Variants in AGAP6 observed in about 807,000 individuals in gnomAD.
AGAP6 encodes the protein ArfGAP with GTPase domain, ankyrin repeat and PH domain 6, also known as arf-GAP with GTPase, ANK repeat and PH domain-containing protein 6.
A neutral mutation model predicts 63.9 loss-of-function variants in AGAP6; 29 were observed. That is an observed-to-expected ratio of 0.45 (90% CI 0.34 to 0.62). AGAP6 has a LOEUF of 0.62. Ranked by LOEUF, AGAP6 falls within the 20% of genes least tolerant of loss-of-function variation. AGAP6 has a pLI of 0.01. For synonymous variants in AGAP6, 199 were observed against 332.9 expected, an observed-to-expected ratio of 0.60 and a Z score of 4.38; for missense variants, 493 against 884.9, an observed-to-expected ratio of 0.56 and a Z score of 5.62.
At chr10:49,994,191 G>GTAAACTAAATGAAAAGCTAAGT (rs1841392706) in intron 3 of AGAP6, among the ~76,000 whole-genome samples, 1 of 152,086 alleles carries the variant, frequency 6.6e-6, no homozygotes, top group South Asian at 2.1e-4. Flanking sequence ...GAAACAAAAA[G>GTAAACTAAATGAAAAGCTAAGT]TAAACTAAAT....
At chr10:49,991,907 T>C (rs1235358700) in intron 3 of AGAP6, among the ~76,000 whole-genome samples, 163 bp downstream of exon 3, 1 of 152,082 alleles carries the variant, frequency 6.6e-6, no homozygotes, top group Non-Finnish European at 1.5e-5. Flanking sequence ...TTAGTTGTTA[T>C]GATGTTAGTG....
chr10:49,992,951 A>G (rs559203546), intron 3 of AGAP6, among the ~76,000 whole-genome samples: 2 of 152,332 alleles, frequency 1.3e-5, no homozygotes, highest in South Asian at 2.1e-4. Context: ...TGGTAGAGAC[A>G]GGGTTTCACC....
At chr10:50,004,807 C>T in intron 6 of AGAP6, 87 bp downstream of exon 6, 1 of 609,830 alleles carries the variant, frequency 1.6e-6, no homozygotes, top group East Asian at 2.7e-5. Context: ...CTCTAGACAT[C>T]ATAAGCTGTA....
At chr10:50,008,510 A>C (rs1841996858) in intron 7 of AGAP6, 3 of 502,822 alleles carry the variant, frequency 6.0e-6, no homozygotes, top group South Asian at 1.7e-4. Context: ...ACAGGGTTTC[A>C]CCATGTTGGC....
rs1554860058 is a variant in AGAP6, at chr10:49,988,711, G to T, written c.-5G>T. The stretch of plus-strand genomic sequence containing the variant: ...ACAGGTGGTGGCAGACAGTAGAGGC[G>T]CCCCATGGGGAACATACTGACCTGT... On this transcript the variant is annotated 5_prime_UTR_variant, in exon 1 of 8. Transcript: ENST00000412531. 6.3e-7 allele frequency: 1 copy of T among 1,589,040 alleles called. No individual in the cohort carries two copies. The highest frequency in any genetic ancestry group is 8.5e-7 in the Non-Finnish European group (1 of 1,174,756).
rs1841842275 is a variant in AGAP6, at chr10:50,004,670, T to G, written c.498-15T>G. The G allele has an allele frequency of 7.0e-6, 9 of 1,277,488 alleles. No individual in the cohort carries two copies. The highest frequency in any genetic ancestry group is 9.5e-6 in the Non-Finnish European group (9 of 944,862). 79.1% of individuals were successfully genotyped at this position (1,277,488 alleles called of 1,614,324 possible). A position where few individuals can be genotyped will look rare whatever the true frequency, so the allele number is the denominator to read the frequency against. Reference sequence around the variant, plus strand: ...TGATAACATCTATTGTTATGAATTTTTTTTCCTTCCACAGTGTGACCTTGG... The same window carrying G: ...TGATAACATCTATTGTTATGAATTTGTTTTCCTTCCACAGTGTGACCTTGG... On this transcript the variant is annotated splice_polypyrimidine_tract_variant and intron_variant, in intron 5 of 7. Transcript: ENST00000412531.
chr10:49,996,792 T>G (rs1361591514), intron 4 of AGAP6, among the ~76,000 whole-genome samples: 1 of 151,892 alleles, frequency 6.6e-6, no homozygotes, highest in Admixed American at 6.6e-5. Flanking sequence ...GCCATTGGCC[T>G]GTAAGTTCAC....
Position 50,006,778 on chromosome 10 carries a change from C to T in AGAP6, c.534-1247C>T, listed in dbSNP as rs1281237066. 2.0e-5 allele frequency among the ~76,000 whole-genome samples: 3 copies of T among 152,070 alleles called. No individual in the cohort carries two copies. In the South Asian group the frequency reaches 6.2e-4, roughly 32 times the overall value. On this transcript the variant is annotated intron_variant, in intron 6 of 7. Coordinates refer to ENST00000412531, the MANE Select transcript of AGAP6 (RefSeq NM_001077665.3). ...TTCTTTAAAAACAAAAAAAAAAGCG[C>T]TTCTGGTTAACTTTCCACTTATTCA...
intron 4 of AGAP6, among the ~76,000 whole-genome samples, chr10:50,001,060 G>A (rs376794798): frequency 1.2e-4 from 18 of 152,226 alleles, no homozygotes; most frequent in African/African-American, 2.6e-4. Flanking sequence ...GCTGGGCGCC[G>A]TGGCTTACGC....
At chr10:49,989,434 CT>C in intron 2 of AGAP6, 58 bp downstream of exon 2, 1 of 1,595,636 alleles carries the variant, frequency 6.3e-7, no homozygotes. Flanking sequence ...GTTTAGGCTT[CT>C]TTGAGCTATT....
At chr10:49,997,864 A>G (rs1315158620) in intron 4 of AGAP6, among the ~76,000 whole-genome samples, 5 of 144,594 alleles carry the variant, frequency 3.5e-5, no homozygotes, top group Admixed American at 7.3e-5. Context: ...GCTCCCACGT[A>G]TGAAAGAGAA....
rs530294698 is a variant in AGAP6, at chr10:50,005,093, T to C, written c.533+373T>C. 2.3e-3 allele frequency among the ~76,000 whole-genome samples: 347 copies of C among 152,346 alleles called. 4 individuals carry two copies. Among genetic ancestry groups the C allele is most frequent in the African/African-American group, 7.5e-3 (311 of 41,584 alleles). On this transcript the variant is annotated intron_variant, in intron 6 of 7. Coordinates refer to ENST00000412531, the MANE Select transcript of AGAP6 (RefSeq NM_001077665.3). ...AGAGTTTAGCGGTATTCATGGCCTC[T>C]ACCAACTAGATGTCAGTAGTAACCC...
intron 4 of AGAP6, among the ~76,000 whole-genome samples, chr10:49,995,260 G>A (rs2132128555): frequency 6.6e-6 from 1 of 152,214 alleles, no homozygotes; most frequent in South Asian, 2.1e-4. Context: ...CCTTCATCCT[G>A]TCTCTGAAAC....
chr10:50,001,162 C>T lies in AGAP6; in HGVS notation c.397-834C>T, dbSNP rs1159623843. Among the ~76,000 whole-genome samples the T allele has an allele frequency of 1.8e-3, 262 of 148,688 alleles. 1 individual carries two copies. The highest frequency in any genetic ancestry group is 7.0e-3 in the Middle Eastern group (2 of 286). ...TGGCTAACACGGTGAAACCCCGTCT[C>T]TACTAAAAATACAAAAAGTTAGCCG... On this transcript the variant is annotated intron_variant, in intron 4 of 7. Coordinates refer to ENST00000412531, the MANE Select transcript of AGAP6 (RefSeq NM_001077665.3).
chr10:49,989,737 CAAAAGGA>C (rs1482817017), intron 2 of AGAP6, among the ~76,000 whole-genome samples: 2 of 151,906 alleles, frequency 1.3e-5, no homozygotes, highest in Non-Finnish European at 2.9e-5. Flanking sequence ...AATTTGAACA[CAAAAGGA>C]AAAAGAAAAA....
rs1842034518 is a variant in AGAP6 at position 50,009,588 on chromosome 10, A to T, written c.1463A>T (p.Lys488Met). The stretch of plus-strand genomic sequence containing the variant: ...GTGGACTGTGAGACCCAGAATCCTA[A>T]GTGGGCCAGTTTGAACTTGGGAGTC... Reference protein sequence around the residue: ...HCVDCETQNPKWASLNLGVLM... With the variant: ...HCVDCETQNPMWASLNLGVLM... Residue 488 changes from lysine (K) to methionine (M), a missense_variant, in exon 8 of 8, where the codon AAG becomes ATG. Coordinates refer to ENST00000412531, the MANE Select transcript of AGAP6 (RefSeq NM_001077665.3). 6.2e-7 allele frequency: 1 copy of T among 1,614,008 alleles called. No individual in the cohort carries two copies. Among genetic ancestry groups the T allele is most frequent in the South Asian group, 1.1e-5 (1 of 91,082 alleles).
In AGAP6 at chr10:50,009,325, G is replaced by T; in HGVS notation, c.1200G>T (p.Lys400Asn). Residue 400 changes from lysine to asparagine, a missense_variant, in exon 8 of 8, where the codon AAG becomes AAT. Physicochemically the swap from Lys to Asn is moderately conservative, Grantham distance 94. Transcript: ENST00000412531. ...NPPPSPHANKKKHLKKKSTNN... is the reference protein window; with the variant it reads ...NPPPSPHANKNKHLKKKSTNN... ...CCCCCTCTCCTCATGCTAATAAAAA[G>T]AAACACCTAAAGAAGAAAAGCACCA... 4.3e-6 allele frequency: 7 copies of T among 1,613,998 alleles called. No homozygotes were observed. The highest frequency in any genetic ancestry group is 5.9e-6 in the Non-Finnish European group (7 of 1,179,906).
At chr10:49,991,613 A>T (rs1294297733) in intron 2 of AGAP6, 63 bp from the exon 3 acceptor site, 2 of 1,591,326 alleles carry the variant, frequency 1.3e-6, no homozygotes, top group Admixed American at 3.4e-5. Context: ...AGTCGAATAA[A>T]CGAGTTGATA....
At position 50,002,072 on chromosome 10, in the gene AGAP6, A is replaced by G. The variant is rs782250267; in HGVS notation, c.473A>G (p.His158Arg). The G allele has an allele frequency of 5.6e-6, 9 of 1,610,456 alleles. No individual in the cohort carries two copies. The East Asian group carries it at 1.6e-4, about 28-fold the overall frequency. The change falls in exon 5 of 8, where the codon CAT becomes CGT. Residue 158 changes from histidine to arginine, a missense_variant. Physicochemically the swap from His to Arg is conservative, Grantham distance 29 (BLOSUM62 0). This residue lies in a region of AGAP6 where 342 missense variants were observed against 533.4 expected (regional missense o/e 0.64). Transcript: ENST00000412531. ...CTTGATGACAGCACAGCCATCCAGC[A>G]TTATCTTACAATGACAATAATATCG... ...IFLDDSTAIQ[H>R]YLTMTIISVT...
Sources: allele counts gnomAD v4.1 joint callset (sites outside exome capture counted in the v4.1 genomes callset), GRCh38; gene constraint gnomAD v4.1.1; regional missense constraint gnomAD v4.1.1; transcripts MANE v1.5; gene names NCBI Gene and HGNC (gene_info 2026-07-23, HGNC 2026-07-21).